SUPT4H1: variants seen among roughly 807,000 people sequenced by gnomAD.
SUPT4H1 encodes the protein transcription elongation factor SPT4.
Under a neutral mutation model 19.4 loss-of-function variants are expected in SUPT4H1, and 12 were observed. That is an observed-to-expected ratio of 0.62 (90% CI 0.40 to 1.00). The LOEUF (loss-of-function observed/expected upper bound fraction) is 1.00. SUPT4H1 is among the 50% of genes least tolerant of loss of function. The pLI is 0.00. For synonymous variants in SUPT4H1, 58 were observed against 56.3 expected (o/e 1.03, Z -0.14); for missense variants, 115 against 149.2 (o/e 0.77, Z 1.19).
chr17:58,346,394 G>A, intron 4 of SUPT4H1, 81 bp from the exon 5 acceptor site: 1 of 1,162,866 alleles, frequency 8.6e-7, no homozygotes, highest in South Asian at 1.2e-5. Context: ...CTTGAGGGGG[G>A]TACTATAAGC....
intron 2 of SUPT4H1, among the ~76,000 whole-genome samples, chr17:58,350,557 C>T (rs988870645): frequency 5.6e-5 from 8 of 141,852 alleles, no homozygotes; most frequent in Admixed American, 1.4e-4. Context: ...TAAAATGGGC[C>T]GGGCATGGTG....
intron 2 of SUPT4H1, among the ~76,000 whole-genome samples, chr17:58,349,683 T>C (rs1972416072): frequency 6.6e-6 from 1 of 152,196 alleles, no homozygotes; most frequent in East Asian, 1.9e-4. Flanking sequence ...GCTATACACA[T>C]ACAAGGGAAT....
At chr17:58,347,656 C>T in intron 2 of SUPT4H1, 72 bp from the exon 3 acceptor site, 1 of 1,516,792 alleles carries the variant, frequency 6.6e-7, no homozygotes, top group Admixed American at 1.7e-5. Flanking sequence ...AGAGAGGAAT[C>T]TAGGAAAAAG....
intron 2 of SUPT4H1, among the ~76,000 whole-genome samples, chr17:58,347,919 A>C (rs563594672): frequency 6.6e-6 from 1 of 152,332 alleles, no homozygotes; most frequent in African/African-American, 2.4e-5. Flanking sequence ...CAAGGGGTCT[A>C]GGGCCTAGTG....
chr17:58,346,064 T>A lies in SUPT4H1; in HGVS notation c.*182A>T. 15 of 534,522 alleles carry A rather than the reference T, an allele frequency of 2.8e-5. No homozygotes were observed. The highest frequency in any genetic ancestry group is 5.1e-5 in the Non-Finnish European group (15 of 295,178). The allele number at this position is 534,522 out of a possible 1,614,324, so 33.1% of individuals were successfully genotyped here. On this transcript the variant is annotated 3_prime_UTR_variant, in exon 5 of 5. Coordinates refer to ENST00000225504, the MANE Select transcript of SUPT4H1 (RefSeq NM_003168.3). ...CTGTTAATCCACCAACCCAAATCCC[T>A]CCCACCCCACCTGTAGTCCAAAGAA...
rs535652912 is a variant in SUPT4H1 at position 58,351,560 on chromosome 17, C to A, written c.70-52G>T. 4.3e-5 allele frequency: 56 copies of A among 1,312,382 alleles called. No homozygotes were observed. The African/African-American group carries it at 7.6e-4, about 18-fold the overall frequency. The allele number at this position is 1,312,382 out of a possible 1,614,324, so 81.3% of individuals were successfully genotyped here. A position where few individuals can be genotyped will look rare whatever the true frequency, so the allele number is the denominator to read the frequency against. ...AAGGAGAGATAAGCATGAACAAGAC[C>A]AAGAGAAAAAGTAGCTTTCTCAATA... On this transcript the variant is annotated intron_variant, in intron 1 of 4. Transcript: ENST00000225504.
intron 4 of SUPT4H1, among the ~76,000 whole-genome samples, chr17:58,346,556 A>C (rs537257930): frequency 6.6e-6 from 1 of 152,040 alleles, no homozygotes; most frequent in South Asian, 2.1e-4. Context: ...CCCCATCTCT[A>C]CAAAAAAATT....
Position 58,346,141 on chromosome 17 carries a change from A to G in SUPT4H1, c.*105T>C. The G allele has an allele frequency of 2.2e-6, 2 of 903,688 alleles. No individual in the cohort carries two copies. The highest frequency in any genetic ancestry group is 3.7e-6 in the Non-Finnish European group (2 of 546,460). 56.0% of individuals were successfully genotyped at this position (903,688 alleles called of 1,614,324 possible). A position where few individuals can be genotyped will look rare whatever the true frequency, so the allele number is the denominator to read the frequency against. ...TCTCTCAACAGTCAGCTGAGTCTGA[A>G]TTGGAGGGTAGGAAGTATTTGAAGT... On this transcript the variant is annotated 3_prime_UTR_variant, in exon 5 of 5. Coordinates refer to ENST00000225504, the MANE Select transcript of SUPT4H1 (RefSeq NM_003168.3).
rs978541434 is a variant in SUPT4H1 at position 58,346,818 on chromosome 17, T to G, written c.286+370A>C. On this transcript the variant is annotated intron_variant, in intron 4 of 4. Coordinates refer to ENST00000225504, the MANE Select transcript of SUPT4H1 (RefSeq NM_003168.3). Reference sequence around the variant, plus strand: ...GAATGAGAAGAAAAAGAGGGATACATGTAGTCATCAAAAGCAAAGGTTCTA... The same window carrying G: ...GAATGAGAAGAAAAAGAGGGATACAGGTAGTCATCAAAAGCAAAGGTTCTA... 2.0e-5 allele frequency among the ~76,000 whole-genome samples: 3 copies of G among 150,418 alleles called. No homozygotes were observed. In the South Asian group the frequency reaches 6.3e-4, roughly 32 times the overall value.
chr17:58,349,716 G>A (rs111572871), intron 2 of SUPT4H1, among the ~76,000 whole-genome samples: 17,028 of 152,164 alleles, frequency 0.11, 975 homozygotes, highest in Middle Eastern at 0.21. Flanking sequence ...AAAAGAGGAG[G>A]GAAATTCTGT....
Position 58,346,718 on chromosome 17 carries a change from C to CAAAAAAAAAAAAAAAA in SUPT4H1, c.287-421_287-406dup, listed in dbSNP as rs33965188. ...AGCCTGGGTGACAGAGACTCTGTCT[C>CAAAAAAAAAAAAAAAA]AAAAAAAAAAAAAAAAAAAAAGGTC... On this transcript the variant is annotated intron_variant, in intron 4 of 4. Coordinates refer to ENST00000225504, the MANE Select transcript of SUPT4H1 (RefSeq NM_003168.3). 2.8e-5 allele frequency among the ~76,000 whole-genome samples: 2 copies of CAAAAAAAAAAAAAAAA among 72,214 alleles called. 1 individual carries two copies. The highest frequency in any genetic ancestry group is 5.0e-5 in the Non-Finnish European group (2 of 39,706). The allele number at this position is 72,214 out of a possible 152,430, so 47.4% of individuals were successfully genotyped here.
chr17:58,347,605 G>T (rs764995405), intron 2 of SUPT4H1, 21 bp from the exon 3 acceptor site: 1 of 1,613,656 alleles, frequency 6.2e-7, no homozygotes, highest in African/African-American at 1.3e-5. Context: ...AAAAGAAATG[G>T]AGAGTCAGCC....
chr17:58,351,829 T>C (rs952466740), intron 1 of SUPT4H1: 15 of 579,846 alleles, frequency 2.6e-5, no homozygotes, highest in Non-Finnish European at 4.3e-5. Flanking sequence ...CAACGTAAGT[T>C]CACCGAACGT....
rs1407639603 is a variant in SUPT4H1, at chr17:58,345,932, C to T, written c.*314G>A. 6 of 263,684 alleles carry T rather than the reference C, an allele frequency of 2.3e-5. No individual in the cohort carries two copies. The highest frequency in any genetic ancestry group is 4.8e-5 in the South Asian group (1 of 20,838). The allele number at this position is 263,684 out of a possible 1,614,324, so 16.3% of individuals were successfully genotyped here. ...GGTGTCATGGCCTTCAGAACTTTCT[C>T]GAGGTTCATATTTATTGACATTTGA... On this transcript the variant is annotated 3_prime_UTR_variant, in exon 5 of 5. Coordinates refer to ENST00000225504, the MANE Select transcript of SUPT4H1 (RefSeq NM_003168.3).
intron 2 of SUPT4H1, among the ~76,000 whole-genome samples, chr17:58,347,925 T>C (rs1859399): frequency 0.022 from 3,318 of 152,310 alleles, 44 homozygotes; most frequent in Middle Eastern, 0.037. Flanking sequence ...GTCTAGGGCC[T>C]AGTGCAAAGA....
At chr17:58,351,622 C>T in intron 1 of SUPT4H1, 114 bp from the exon 2 acceptor site, 3 of 732,172 alleles carry the variant, frequency 4.1e-6, no homozygotes, top group Non-Finnish European at 4.7e-6. Context: ...CCTATGTTGA[C>T]TGTGTATCCT....
chr17:58,347,149 T>C (rs1972320808), intron 4 of SUPT4H1, 39 bp downstream of exon 4: 2 of 1,597,634 alleles, frequency 1.3e-6, no homozygotes, highest in East Asian at 4.5e-5. Context: ...CCACAGAGCT[T>C]TACAGTAAAT....
At position 58,345,933 on chromosome 17, in the gene SUPT4H1, G is replaced by A. The variant is rs534612134; in HGVS notation, c.*313C>T. ...GTGTCATGGCCTTCAGAACTTTCTC[G>A]AGGTTCATATTTATTGACATTTGAC... is the stretch of plus-strand genomic sequence containing the variant. On this transcript the variant is annotated 3_prime_UTR_variant, in exon 5 of 5. Coordinates refer to ENST00000225504, the MANE Select transcript of SUPT4H1 (RefSeq NM_003168.3). 7.6e-5 allele frequency: 20 copies of A among 263,286 alleles called. No homozygotes were observed. Among genetic ancestry groups the A allele is most frequent in the Non-Finnish European group, 1.1e-4 (15 of 134,680 alleles). The allele number at this position is 263,286 out of a possible 1,614,324, so 16.3% of individuals were successfully genotyped here. A position where few individuals can be genotyped will look rare whatever the true frequency, so the allele number is the denominator to read the frequency against.
rs185418930 is a variant in SUPT4H1, at chr17:58,346,092, T to C, written c.*154A>G. On this transcript the variant is annotated 3_prime_UTR_variant, in exon 5 of 5. Transcript: ENST00000225504. ...CACCCCACCTGTAGTCCAAAGAAGA[T>C]AAAATGATAAAATGATGTGCTGCTC... The C allele has an allele frequency of 2.4e-4, 152 of 625,282 alleles. 2 individuals are homozygous for C. The African/African-American group carries it at 2.7e-3, about 11-fold the overall frequency. The allele number at this position is 625,282 out of a possible 1,614,324, so 38.7% of individuals were successfully genotyped here.
Sources: gnomAD v4.1 joint callset for allele counts (sites outside exome capture counted in the v4.1 genomes callset) on GRCh38, gnomAD v4.1.1 for gene constraint, MANE v1.5 for transcripts, NCBI Gene and HGNC (gene_info 2026-07-23, HGNC 2026-07-21) for gene names.